The following TMCC2 variants were observed in gnomAD, a reference collection of about 807,000 sequenced individuals.
TMCC2 encodes the protein transmembrane and coiled-coil domain family 2, also known as transmembrane and coiled-coil domains protein 2.
A neutral mutation model predicts 49.4 loss-of-function variants in TMCC2; 16 were observed. The ratio of observed to expected loss-of-function variants is 0.32; its 90% confidence interval spans 0.22 to 0.49. TMCC2 has a LOEUF of 0.49. Among genes scored for constraint, TMCC2 ranks in the 20% least tolerant of loss-of-function variants. The probability of loss-of-function intolerance (pLI) is 0.99; values close to 1 mark genes in which losing one functional copy is unlikely to be tolerated. For synonymous variants in TMCC2, 397 were observed against 434.1 expected, an observed-to-expected ratio of 0.91 and a Z score of 1.06; for missense variants, 762 against 989.8, an observed-to-expected ratio of 0.77 and a Z score of 3.09.
At chr1:205,260,888 A>G (rs1425333711) in intron 2 of TMCC2, among the ~76,000 whole-genome samples, 1 of 152,168 alleles carries the variant, frequency 6.6e-6, no homozygotes, top group Non-Finnish European at 1.5e-5. Context: ...ATAGTATTTC[A>G]TTGCAAGAAA....
intron 1 of TMCC2, among the ~76,000 whole-genome samples, chr1:205,233,207 C>T (rs1158660719): frequency 2.0e-5 from 3 of 152,172 alleles, no homozygotes; most frequent in East Asian, 1.9e-4. Flanking sequence ...GGCTTTCCCC[C>T]TGGACTTCCC....
intron 4 of TMCC2, 127 bp from the exon 5 acceptor site, chr1:205,271,686 T>C: frequency 7.9e-7 from 1 of 1,269,980 alleles, no homozygotes; most frequent in Non-Finnish European, 1.1e-6. Context: ...CTGGTCAACC[T>C]CCACTCCTCC....
intron 1 of TMCC2, among the ~76,000 whole-genome samples, chr1:205,234,321 C>T (rs1475858497): frequency 6.6e-6 from 1 of 152,082 alleles, no homozygotes; most frequent in Non-Finnish European, 1.5e-5. Context: ...TGGCGGGCAC[C>T]TGTAGTCCCA....
chr1:205,235,662 C>T (rs904794806), intron 1 of TMCC2, among the ~76,000 whole-genome samples: 3 of 152,290 alleles, frequency 2.0e-5, no homozygotes, highest in African/African-American at 7.2e-5. Context: ...TGGAATGAGG[C>T]CATAGCTGGA....
chr1:205,238,227 G>A (rs1228922834), intron 1 of TMCC2, among the ~76,000 whole-genome samples: 2 of 151,868 alleles, frequency 1.3e-5, no homozygotes, highest in Non-Finnish European at 2.9e-5. Context: ...CTGGTTATGT[G>A]TATGTGCTGA....
Position 205,228,061 on chromosome 1 carries a change from C to A in TMCC2, c.-504C>A, listed in dbSNP as rs1659643179. On this transcript the variant is annotated 5_prime_UTR_variant, in exon 1 of 5. Coordinates refer to ENST00000358024, the MANE Select transcript of TMCC2 (RefSeq NM_014858.4). Reference sequence around the variant, plus strand: ...CCGGGCGCGCTGCGGGCTCCGCGGCCGGACCATGCGGGGCAGGGGCCGGTT... The same window carrying A: ...CCGGGCGCGCTGCGGGCTCCGCGGCAGGACCATGCGGGGCAGGGGCCGGTT... 6.8e-6 allele frequency: 1 copy of A among 147,324 alleles called. No individual in the cohort carries two copies. The highest frequency in any genetic ancestry group is 2.1e-4 in the South Asian group (1 of 4,864). The allele number at this position is 147,324 out of a possible 1,614,324, so 9.1% of individuals were successfully genotyped here.
At chr1:205,252,809 A>T (rs1574850188) in intron 2 of TMCC2, among the ~76,000 whole-genome samples, 1 of 147,268 alleles carries the variant, frequency 6.8e-6, no homozygotes, top group African/African-American at 2.5e-5. Context: ...GTGGTTTGTG[A>T]TTTTTTTTTT....
chr1:205,257,273 C>A, intron 2 of TMCC2: 1 of 1,232,246 alleles, frequency 8.1e-7, no homozygotes, highest in Non-Finnish European at 1.0e-6. Context: ...GGGTCTGTGA[C>A]CCCGGGGGCC....
rs984202811 is a variant in TMCC2 at position 205,273,061 on chromosome 1, C to A, written c.*937C>A. Reference sequence around the variant, plus strand: ...ACCGAGCCACCCAGCCCCACTATCCCCAAGCAGCCCTACAGCCGGGATGGG... The same window carrying A: ...ACCGAGCCACCCAGCCCCACTATCCACAAGCAGCCCTACAGCCGGGATGGG... On this transcript the variant is annotated 3_prime_UTR_variant, in exon 5 of 5. Coordinates refer to ENST00000358024, the MANE Select transcript of TMCC2 (RefSeq NM_014858.4). 6.6e-6 allele frequency: 1 copy of A among 152,198 alleles called. No homozygotes were observed. The highest frequency in any genetic ancestry group is 2.1e-4 in the South Asian group (1 of 4,836). 9.4% of individuals were successfully genotyped at this position (152,198 alleles called of 1,614,324 possible).
At chr1:205,245,884 TC>T (rs1660433209) in intron 2 of TMCC2, among the ~76,000 whole-genome samples, 1 of 151,732 alleles carries the variant, frequency 6.6e-6, no homozygotes, top group South Asian at 2.1e-4. Flanking sequence ...CAAGTGATTC[TC>T]CTGCCTCAGC....
At chr1:205,229,913 G>A in intron 1 of TMCC2, 1 of 985,458 alleles carries the variant, frequency 1.0e-6, no homozygotes, top group South Asian at 4.7e-5. Context: ...GCAGGCTCAG[G>A]CTTCTCAAGC....
chr1:205,230,141 C>A (rs1659733914), intron 1 of TMCC2: 2 of 985,536 alleles, frequency 2.0e-6, no homozygotes, highest in Non-Finnish European at 1.2e-6. Context: ...TTGGCCTGAG[C>A]AGCTCAGAGT....
intron 2 of TMCC2, among the ~76,000 whole-genome samples, chr1:205,255,219 A>G (rs1412336777): frequency 6.6e-6 from 1 of 151,582 alleles, no homozygotes; most frequent in East Asian, 1.9e-4. Context: ...AAAAAAAAAA[A>G]AAAATCCTAG....
At chr1:205,247,557 A>T (rs1352219399) in intron 2 of TMCC2, among the ~76,000 whole-genome samples, 1 of 152,180 alleles carries the variant, frequency 6.6e-6, no homozygotes, top group Non-Finnish European at 1.5e-5. Flanking sequence ...TCTTCCAGCC[A>T]TCGGTAAACC....
At chr1:205,229,560 G>GGT in intron 1 of TMCC2, 2 of 602,586 alleles carry the variant, frequency 3.3e-6, no homozygotes, top group Non-Finnish European at 3.7e-6. Flanking sequence ...GGGGGGGGGT[G>GGT]GTGGCGGGGG....
Position 205,269,491 on chromosome 1 carries a change from GCCTCAT to G in TMCC2, c.1292_1297del (p.Leu431_Ile432del). ...GTGTCCAAGCCCCGGGAGTTTGCCAGCCTCATCCGCAACAAGTTTGGCAGTGCTGAC... is the reference window on the plus strand; with the variant it reads ...GTGTCCAAGCCCCGGGAGTTTGCCAGCCGCAACAAGTTTGGCAGTGCTGAC... On this transcript the variant is annotated inframe_deletion, in exon 3 of 5. Transcript: ENST00000358024. 6.2e-7 allele frequency: 1 copy of G among 1,608,732 alleles called. No homozygotes were observed. The highest frequency in any genetic ancestry group is 8.5e-7 in the Non-Finnish European group (1 of 1,176,130).
chr1:205,231,035 C>A (rs904877127), intron 1 of TMCC2, among the ~76,000 whole-genome samples: 16 of 130,846 alleles, frequency 1.2e-4, no homozygotes, highest in Non-Finnish European at 2.5e-4. Context: ...ACCATTGAAC[C>A]CAGCAATGTG....
At chr1:205,257,169 C>G (rs1363309932) in intron 2 of TMCC2, 22 of 1,232,446 alleles carry the variant, frequency 1.8e-5, no homozygotes, top group Non-Finnish European at 2.1e-5. Context: ...CTAGAGCAAT[C>G]CGCCCCTAAT....
intron 2 of TMCC2, among the ~76,000 whole-genome samples, chr1:205,245,477 C>T (rs1158329359): frequency 1.3e-5 from 2 of 152,200 alleles, no homozygotes; most frequent in South Asian, 2.1e-4. Flanking sequence ...TTTCCAGCGT[C>T]AGAGTTCCAA....
Sources: gnomAD v4.1 joint callset for allele counts (sites outside exome capture counted in the v4.1 genomes callset) on GRCh38, gnomAD v4.1.1 for gene constraint, MANE v1.5 for transcripts, NCBI Gene and HGNC (gene_info 2026-07-23, HGNC 2026-07-21) for gene names.